The following SLC15A5 variants were observed in gnomAD, a reference collection of about 807,000 sequenced individuals.
SLC15A5 encodes solute carrier family 15 member 5.
Under a neutral mutation model 56.1 loss-of-function variants are expected in SLC15A5, and 58 were observed. The observed-to-expected ratio is 1.03, with a 90% CI of 0.84 to 1.29. The LOEUF (loss-of-function observed/expected upper bound fraction) is 1.29, where lower values mean the gene tolerates loss of function less well. SLC15A5 is among the 50% of genes most tolerant of loss of function. The pLI is 0.00. For missense variants in SLC15A5, 681 were observed against 672.1 expected, an observed-to-expected ratio of 1.01 and a Z score of -0.15; for synonymous variants, 264 against 250.5, an observed-to-expected ratio of 1.05 and a Z score of -0.51.
At chr12:16,189,945 T>G in intron 8 of SLC15A5, 130 bp from the exon 9 acceptor site, 1 of 675,096 alleles carries the variant, frequency 1.5e-6, no homozygotes, top group Non-Finnish European at 2.2e-6. Context: ...GTGACGATTA[T>G]TTAAGAGCAC....
intron 7 of SLC15A5, among the ~76,000 whole-genome samples, chr12:16,211,962 T>G (rs1864085537): frequency 6.6e-6 from 1 of 152,224 alleles, no homozygotes; most frequent in African/African-American, 2.4e-5. Context: ...TGGAAGACTG[T>G]GATAGCTGAT....
intron 4 of SLC15A5, among the ~76,000 whole-genome samples, chr12:16,240,278 A>G (rs1427291016): frequency 1.3e-5 from 2 of 152,308 alleles, no homozygotes; most frequent in East Asian, 3.9e-4. Context: ...CCCTGATGAA[A>G]AAAATGAGGC....
intron 7 of SLC15A5, among the ~76,000 whole-genome samples, chr12:16,205,593 AT>A (rs1864010409): frequency 3.1e-5 from 1 of 31,934 alleles, no homozygotes; most frequent in African/African-American, 1.5e-4. Flanking sequence ...ATATATATAC[AT>A]ATACACACAC....
chr12:16,223,287 A>G (rs1256972811), intron 6 of SLC15A5, among the ~76,000 whole-genome samples: 1 of 152,180 alleles, frequency 6.6e-6, no homozygotes, highest in African/African-American at 2.4e-5. Context: ...AATGGGAGAG[A>G]TAATGGAGGT....
rs1444800972 is a variant in SLC15A5, at chr12:16,224,446, A to C, written c.1319T>G (p.Leu440Arg). The C allele has an allele frequency of 1.3e-6, 2 of 1,537,274 alleles. No individual in the cohort carries two copies. The highest frequency in any genetic ancestry group is 2.4e-5 in the South Asian group (2 of 84,062). Residue 440 changes from leucine (L) to arginine (R), a missense_variant, in exon 6 of 9, where the codon CTT becomes CGT. Coordinates refer to ENST00000344941, the MANE Select transcript of SLC15A5 (RefSeq NM_001170798.1). ...CFYLILQYVL[L>R]GVAETLVNPA... The stretch of plus-strand genomic sequence containing the variant: ...GTTTACCAGTGTTTCCGCCACTCCA[A>C]GTAAAACATACTGAAGAATCAGGTA...
At chr12:16,221,526 T>G (rs1864188000) in intron 6 of SLC15A5, among the ~76,000 whole-genome samples, 1 of 152,170 alleles carries the variant, frequency 6.6e-6, no homozygotes, top group South Asian at 2.1e-4. Context: ...TCTGGGGATG[T>G]GGTCAAGGGG....
intron 5 of SLC15A5, among the ~76,000 whole-genome samples, chr12:16,225,666 A>G (rs1437154899): frequency 6.6e-6 from 1 of 152,250 alleles, no homozygotes; most frequent in Non-Finnish European, 1.5e-5. Flanking sequence ...TTCTCAAAAG[A>G]AGACATTTAT....
intron 1 of SLC15A5, among the ~76,000 whole-genome samples, chr12:16,274,166 A>G (rs1471574040): frequency 6.6e-6 from 1 of 152,136 alleles, no homozygotes; most frequent in African/African-American, 2.4e-5. Context: ...ACCCTGACAC[A>G]TAAGTTTTGT....
intron 3 of SLC15A5, among the ~76,000 whole-genome samples, chr12:16,247,759 TC>T (rs2136794088): frequency 6.6e-6 from 1 of 152,194 alleles, no homozygotes; most frequent in Admixed American, 6.5e-5. Flanking sequence ...TAGGAGGTTG[TC>T]AGGGGGGTCA....
chr12:16,216,504 A>G (rs1433653384), intron 7 of SLC15A5, among the ~76,000 whole-genome samples: 1 of 152,114 alleles, frequency 6.6e-6, no homozygotes, highest in African/African-American at 2.4e-5. Flanking sequence ...ATTGTGGCAA[A>G]TCATGAGAAA....
chr12:16,197,488 G>A (rs901524392), intron 7 of SLC15A5, among the ~76,000 whole-genome samples: 1 of 152,108 alleles, frequency 6.6e-6, no homozygotes, highest in Admixed American at 6.6e-5. Context: ...TGCCTTAACA[G>A]TGTAGTCGTT....
Position 16,239,852 on chromosome 12 carries a change from A to C in SLC15A5, c.991T>G (p.Tyr331Asp), listed in dbSNP as rs761099729. 1.4e-5 allele frequency: 21 copies of C among 1,537,000 alleles called. No individual in the cohort carries two copies. The South Asian group carries it at 1.5e-4, about 11-fold the overall frequency. Residue 331 changes from tyrosine (Y) to aspartate (D), a missense_variant, in exon 5 of 9, where the codon TAT (tyrosine) becomes GAT (aspartate). Tyr to Asp is a radical substitution (Grantham distance 160). Coordinates refer to ENST00000344941, the MANE Select transcript of SLC15A5 (RefSeq NM_001170798.1). ...AGGTTGGAATTCATAGTTTGCAGAT[A>C]ATATCCTGAAGGAATCTGTATTCGA... ...MCIMQIPSGYYLQTMNSNLNL... is the reference protein window; with the variant it reads ...MCIMQIPSGYDLQTMNSNLNL...
At chr12:16,228,918 C>T (rs910744463) in intron 5 of SLC15A5, among the ~76,000 whole-genome samples, 1 of 152,096 alleles carries the variant, frequency 6.6e-6, no homozygotes, top group Non-Finnish European at 1.5e-5. Context: ...AAAAGTTACA[C>T]GTAGATTTTT....
At position 16,196,631 on chromosome 12, in the gene SLC15A5, G is replaced by A. The variant is rs935577169; in HGVS notation, c.1484-2178C>T. Among the ~76,000 whole-genome samples, 1 of 151,942 alleles carries A rather than the reference G, an allele frequency of 6.6e-6. No homozygotes were observed. Among genetic ancestry groups the A allele is most frequent in the Non-Finnish European group, 1.5e-5 (1 of 67,990 alleles). On this transcript the variant is annotated intron_variant, in intron 7 of 8. Transcript: ENST00000344941. This position sits in a 1 kb window ranked among gnomAD's most constrained non-coding sequence, Gnocchi z 4.0. ...CACATCAGCACTTTGCATGTCATGC[G>A]ATTATACCTTTTTATCACCATGTTT...
intron 3 of SLC15A5, among the ~76,000 whole-genome samples, chr12:16,252,229 C>T (rs558426959): frequency 6.6e-6 from 1 of 151,970 alleles, no homozygotes; most frequent in Non-Finnish European, 1.5e-5. Flanking sequence ...AGACTGAATG[C>T]TTTTCCTCTA....
chr12:16,220,276 A>G (rs910999552), intron 6 of SLC15A5, among the ~76,000 whole-genome samples: 23 of 152,124 alleles, frequency 1.5e-4, no homozygotes, highest in African/African-American at 5.1e-4. Context: ...CTGCCAATCT[A>G]TAGGACATTT....
At chr12:16,240,990 T>C (rs57423020) in intron 4 of SLC15A5, among the ~76,000 whole-genome samples, 1,971 of 152,078 alleles carry the variant, frequency 0.013, 45 homozygotes, top group African/African-American at 0.045. Context: ...TTTTTCTGTA[T>C]TTTTAGTAGA....
chr12:16,229,996 T>C (rs1001938381), intron 5 of SLC15A5, among the ~76,000 whole-genome samples: 2 of 152,026 alleles, frequency 1.3e-5, no homozygotes, highest in Non-Finnish European at 2.9e-5. Flanking sequence ...CATGTTTGTA[T>C]AGATGGAAGA....
chr12:16,268,100 C>T lies in SLC15A5; in HGVS notation c.584+4461G>A, dbSNP rs181396126. On this transcript the variant is annotated intron_variant, in intron 2 of 8. Coordinates refer to ENST00000344941, the MANE Select transcript of SLC15A5 (RefSeq NM_001170798.1). ...TCAAGCTTAAAAGAGAACATGCGCC[C>T]GGCTCTGTGGCTCATGCCTGTAATC... Among the ~76,000 whole-genome samples the T allele has an allele frequency of 8.7e-5, 10 of 114,372 alleles. No homozygotes were observed. In the East Asian group the frequency reaches 2.5e-3, roughly 28 times the overall value. 75.0% of individuals were successfully genotyped at this position (114,372 alleles called of 152,430 possible).
Sources: gnomAD v4.1 joint callset for allele counts (sites outside exome capture counted in the v4.1 genomes callset) on GRCh38, gnomAD v4.1.1 for gene constraint, Gnocchi (gnomAD v3.1) non-coding constraint, MANE v1.5 for transcripts, NCBI Gene and HGNC (gene_info 2026-07-23, HGNC 2026-07-21) for gene names.